Variants in CNNM2 observed in about 807,000 individuals in gnomAD.
CNNM2 encodes the protein cyclin and CBS domain divalent metal cation transport mediator 2.
CNNM2 carries 12 observed loss-of-function variants against 66.9 expected under a neutral mutation model. The observed-to-expected ratio is 0.18, with a 90% CI of 0.11 to 0.29. The LOEUF (loss-of-function observed/expected upper bound fraction) is 0.29. Among genes scored for constraint, CNNM2 ranks in the 10% least tolerant of loss-of-function variants. The pLI is 1.00. For synonymous variants in CNNM2, 557 were observed against 501.8 expected, an observed-to-expected ratio of 1.11 and a Z score of -1.47; for missense variants, 705 against 1,167.7, an observed-to-expected ratio of 0.60 and a Z score of 5.77.
Position 103,068,700 on chromosome 10 carries a change from G to C in CNNM2, c.2145G>C (p.Val715=). The stretch of plus-strand genomic sequence containing the variant: ...CGAGCGCCTTCTCATACTATGGCGT[G>C]ATGGCCCTGACAGCCTCTCCAGGTA... ...FEASAFSYYG[V]MALTASPVPL... The change falls in exon 5 of 8, where the codon GTG becomes GTC. Residue 715 remains valine, a synonymous_variant. Transcript: ENST00000369878. 1 of 1,612,872 alleles carries C rather than the reference G, an allele frequency of 6.2e-7. No individual in the cohort carries two copies. Among genetic ancestry groups the C allele is most frequent in the Non-Finnish European group, 8.5e-7 (1 of 1,179,490 alleles).
intron 1 of CNNM2, among the ~76,000 whole-genome samples, chr10:103,041,430 AGG>A (rs890611823): frequency 2.6e-5 from 4 of 152,328 alleles, no homozygotes; most frequent in African/African-American, 7.2e-5. Flanking sequence ...GTTCAGATCT[AGG>A]GACTCAAAGA....
chr10:103,032,157 T>C (rs545636671), intron 1 of CNNM2, among the ~76,000 whole-genome samples: 1 of 152,208 alleles, frequency 6.6e-6, no homozygotes, highest in African/African-American at 2.4e-5. Flanking sequence ...GTTAGAAATA[T>C]ATACATTAGG....
chr10:103,015,717 G>C (rs1368821236), intron 1 of CNNM2, among the ~76,000 whole-genome samples: 1 of 152,124 alleles, frequency 6.6e-6, no homozygotes, highest in East Asian at 1.9e-4. Context: ...GCCAGGCGTA[G>C]TGCTGCACGT....
chr10:102,919,191 C>T lies in CNNM2; in HGVS notation c.711C>T (p.Asp237=), dbSNP rs888236228. 4 of 1,612,038 alleles carry T rather than the reference C, an allele frequency of 2.5e-6. No homozygotes were observed. The highest frequency in any genetic ancestry group is 2.7e-5 in the African/African-American group (2 of 74,950). ...PWAETTWIYH[D]GEDTKMIVGE... The stretch of plus-strand genomic sequence containing the variant: ...CCGAGACCACCTGGATTTACCACGA[C>T]GGCGAGGACACCAAGATGATCGTAG... The change falls in exon 1 of 8, where the codon GAC becomes GAT. Residue 237 remains aspartate, a synonymous_variant. Transcript: ENST00000369878.
chr10:103,067,234 G>A (rs899010604), intron 4 of CNNM2, among the ~76,000 whole-genome samples: 1 of 151,810 alleles, frequency 6.6e-6, no homozygotes, highest in African/African-American at 2.4e-5. Context: ...ACGCCACCAT[G>A]CCTGGCTAAT....
Position 102,979,866 on chromosome 10 carries a change from C to T in CNNM2, c.1621+59765C>T, listed in dbSNP as rs188562686. On this transcript the variant is annotated intron_variant, in intron 1 of 7. Coordinates refer to ENST00000369878, the MANE Select transcript of CNNM2 (RefSeq NM_017649.5). The stretch of plus-strand genomic sequence containing the variant: ...AGCAACTCCTTATCTCATTCTAATT[C>T]CTACTCTCCAAAGTTAACTACTTTG... Among the ~76,000 whole-genome samples, 69 of 152,136 alleles carry T rather than the reference C, an allele frequency of 4.5e-4. No individual in the cohort carries two copies. The East Asian group carries it at 0.012, about 26-fold the overall frequency.
At chr10:103,008,638 G>A (rs2064273997) in intron 1 of CNNM2, among the ~76,000 whole-genome samples, 1 of 152,058 alleles carries the variant, frequency 6.6e-6, no homozygotes, top group African/African-American at 2.4e-5. Context: ...AATTAGCCGG[G>A]CGTGGTGGCA....
At chr10:102,951,664 G>A (rs920079677) in intron 1 of CNNM2, among the ~76,000 whole-genome samples, 31 of 146,630 alleles carry the variant, frequency 2.1e-4, no homozygotes, top group African/African-American at 7.3e-4. Flanking sequence ...TTACAGACAA[G>A]GTCTCACTTT....
At chr10:102,923,799 T>C (rs375297821) in intron 1 of CNNM2, among the ~76,000 whole-genome samples, 31 of 152,216 alleles carry the variant, frequency 2.0e-4, no homozygotes, top group Non-Finnish European at 3.7e-4. Context: ...GTACTAACAA[T>C]GTGCTGTACT....
intron 1 of CNNM2, among the ~76,000 whole-genome samples, chr10:102,921,388 A>G (rs1845630691): frequency 6.6e-6 from 1 of 152,160 alleles, no homozygotes; most frequent in African/African-American, 2.4e-5. Flanking sequence ...ATCTGAACAT[A>G]CTCAAAGAGT....
At chr10:102,977,214 A>C (rs2063648501) in intron 1 of CNNM2, among the ~76,000 whole-genome samples, 1 of 152,174 alleles carries the variant, frequency 6.6e-6, no homozygotes, top group South Asian at 2.1e-4. Context: ...CAGGTTGCGT[A>C]TTCCTTGTAT....
At chr10:102,972,298 G>T (rs141121388) in intron 1 of CNNM2, among the ~76,000 whole-genome samples, 4 of 152,220 alleles carry the variant, frequency 2.6e-5, no homozygotes, top group East Asian at 1.9e-4. Context: ...ATAAAATGTG[G>T]GGTCCAAATC....
At chr10:102,965,458 C>A (rs946957934) in intron 1 of CNNM2, among the ~76,000 whole-genome samples, 2 of 152,170 alleles carry the variant, frequency 1.3e-5, no homozygotes, top group African/African-American at 2.4e-5. Flanking sequence ...TTGTGCGCCT[C>A]CTTCCAGGGG....
At chr10:102,985,624 G>C (rs922911562) in intron 1 of CNNM2, among the ~76,000 whole-genome samples, 3 of 152,182 alleles carry the variant, frequency 2.0e-5, no homozygotes, top group Non-Finnish European at 4.4e-5. Context: ...TCCAAACTGC[G>C]TGGCCAGACA....
chr10:102,987,845 C>T (rs567660205), intron 1 of CNNM2, among the ~76,000 whole-genome samples: 241 of 152,234 alleles, frequency 1.6e-3, no homozygotes, highest in African/African-American at 5.4e-3. Context: ...CACTATTTTC[C>T]TTTGGAAATT....
At chr10:103,052,988 C>T (rs2065241059) in intron 2 of CNNM2, among the ~76,000 whole-genome samples, 2 of 152,218 alleles carry the variant, frequency 1.3e-5, no homozygotes, top group African/African-American at 4.8e-5. Flanking sequence ...ATCTGTTTTG[C>T]TTTATGCAAG....
Position 103,080,725 on chromosome 10 carries a change from C to T in CNNM2, c.*3545C>T, listed in dbSNP as rs1264112377. 2.0e-5 allele frequency: 3 copies of T among 152,218 alleles called. No individual in the cohort carries two copies. The highest frequency in any genetic ancestry group is 7.2e-5 in the African/African-American group (3 of 41,454). The allele number at this position is 152,218 out of a possible 1,614,324, so 9.4% of individuals were successfully genotyped here. On this transcript the variant is annotated 3_prime_UTR_variant, in exon 8 of 8. Coordinates refer to ENST00000369878, the MANE Select transcript of CNNM2 (RefSeq NM_017649.5). ...TACCTGTGCTGTCGTCAGCACTGTA[C>T]ACTAAAGGACCAGCTTTTCCAAGCC...
chr10:102,952,096 C>A (rs1590299362), intron 1 of CNNM2, among the ~76,000 whole-genome samples: 1 of 152,164 alleles, frequency 6.6e-6, no homozygotes, highest in South Asian at 2.1e-4. Flanking sequence ...AGCCACCACG[C>A]CCGGCCAATT....
At position 102,940,000 on chromosome 10, in the gene CNNM2, CA is replaced by C. The variant is rs1554889969; in HGVS notation, c.1621+19909del. ...AAACAAACAACAACAACAACAACAA[CA>C]AAAAAAAAACCGCCATGTAGGAGAC... On this transcript the variant is annotated intron_variant, in intron 1 of 7. Coordinates refer to ENST00000369878, the MANE Select transcript of CNNM2 (RefSeq NM_017649.5). Among the ~76,000 whole-genome samples the C allele has an allele frequency of 4.6e-5, 5 of 107,744 alleles. No homozygotes were observed. In the East Asian group the frequency reaches 1.1e-3, roughly 23 times the overall value. The allele number at this position is 107,744 out of a possible 152,430, so 70.7% of individuals were successfully genotyped here. A position where few individuals can be genotyped will look rare whatever the true frequency, so the allele number is the denominator to read the frequency against.
Sources: gnomAD v4.1 joint callset for allele counts (sites outside exome capture counted in the v4.1 genomes callset) on GRCh38, gnomAD v4.1.1 for gene constraint, MANE v1.5 for transcripts, NCBI Gene and HGNC (gene_info 2026-07-23, HGNC 2026-07-21) for gene names.